The following IL34 variants were observed in gnomAD, a reference collection of about 807,000 sequenced individuals.
The protein encoded by IL34 is interleukin-34.
A neutral mutation model predicts 25.3 loss-of-function variants in IL34; 17 were observed. That is an observed-to-expected ratio of 0.67 (90% CI 0.46 to 1.01). IL34 has a LOEUF of 1.01. IL34 is among the 50% of genes least tolerant of loss of function. The pLI is 0.00. For synonymous variants in IL34, 174 were observed against 140.9 expected (o/e 1.23, Z -1.66); for missense variants, 368 against 312.9 (o/e 1.18, Z -1.33).
rs768176846 is a variant in IL34, at chr16:70,660,142, C to T, written c.684C>T (p.Gly228=). The T allele has an allele frequency of 1.2e-6, 2 of 1,609,566 alleles. No homozygotes were observed. Among genetic ancestry groups the T allele is most frequent in the Admixed American group, 1.7e-5 (1 of 59,182 alleles). ...WSPSSPPHST[G]SVRPVRAQGE... Reference sequence around the variant, plus strand: ...CCAGCTCCCCGCCTCACTCCACGGGCTCGGTGAGGCCGGTCAGGGCACAGG... The same window carrying T: ...CCAGCTCCCCGCCTCACTCCACGGGTTCGGTGAGGCCGGTCAGGGCACAGG... The change falls in exon 6 of 6, where the codon GGC becomes GGT. Residue 228 remains glycine (G), a synonymous_variant. Coordinates refer to ENST00000288098, the MANE Select transcript of IL34 (RefSeq NM_001393494.1).
chr16:70,622,150 G>A (rs1447763899), intron 1 of IL34, among the ~76,000 whole-genome samples: 2 of 152,018 alleles, frequency 1.3e-5, no homozygotes, highest in Non-Finnish European at 2.9e-5. Flanking sequence ...ATAGAGGGGG[G>A]AAGGCTAAAC....
intron 1 of IL34, among the ~76,000 whole-genome samples, chr16:70,635,578 C>T (rs1219765700): frequency 6.6e-6 from 1 of 152,166 alleles, no homozygotes; most frequent in African/African-American, 2.4e-5. Flanking sequence ...ACATCGGCAG[C>T]TTCCTTGAGC....
rs1010122367 is a variant in IL34 at position 70,660,550 on chromosome 16, C to T, written c.*363C>T. The T allele has an allele frequency of 1.4e-4, 28 of 207,404 alleles. No individual in the cohort carries two copies. Among genetic ancestry groups the T allele is most frequent in the Admixed American group, 2.9e-4 (5 of 17,460 alleles). The allele number at this position is 207,404 out of a possible 1,614,324, so 12.8% of individuals were successfully genotyped here. On this transcript the variant is annotated 3_prime_UTR_variant, in exon 6 of 6. Coordinates refer to ENST00000288098, the MANE Select transcript of IL34 (RefSeq NM_001393494.1). The stretch of plus-strand genomic sequence containing the variant: ...GTTGCAGGGGAGACAGCCAGCACGG[C>T]GTGGCCATTCTATGACCCCCCAGCC...
At chr16:70,649,292 T>C (rs2052020726) in intron 1 of IL34, among the ~76,000 whole-genome samples, 1 of 152,234 alleles carries the variant, frequency 6.6e-6, no homozygotes, top group African/African-American at 2.4e-5. Flanking sequence ...GTCATATTTA[T>C]ACCCACCTTT....
intron 1 of IL34, among the ~76,000 whole-genome samples, chr16:70,596,627 G>A (rs145697211): frequency 3.9e-5 from 6 of 152,230 alleles, no homozygotes; most frequent in East Asian, 3.9e-4. Flanking sequence ...CTCTGTACCC[G>A]TCCCCCACAC....
chr16:70,587,426 C>T (rs1053043369), intron 1 of IL34, among the ~76,000 whole-genome samples: 10 of 152,090 alleles, frequency 6.6e-5, no homozygotes, highest in South Asian at 6.2e-4. Flanking sequence ...CCCGCCACCA[C>T]GCCCAGCTAA....
chr16:70,612,166 A>G (rs1348320328), intron 1 of IL34, among the ~76,000 whole-genome samples: 1 of 152,190 alleles, frequency 6.6e-6, no homozygotes, highest in African/African-American at 2.4e-5. Context: ...GTAGTCTAGA[A>G]ATCGGGGTTC....
At chr16:70,616,770 GC>G (rs1200446330) in intron 1 of IL34, among the ~76,000 whole-genome samples, 22 of 152,154 alleles carry the variant, frequency 1.4e-4, no homozygotes, top group Non-Finnish European at 3.2e-4. Flanking sequence ...GTTAGGTGGG[GC>G]AGGAACAAAT....
chr16:70,583,938 C>T (rs1053170294), intron 1 of IL34, among the ~76,000 whole-genome samples: 4 of 152,136 alleles, frequency 2.6e-5, no homozygotes, highest in African/African-American at 9.7e-5. Flanking sequence ...GAGCGTGAAC[C>T]ACCGTGCCTG....
chr16:70,585,912 C>G (rs910770426), intron 1 of IL34, among the ~76,000 whole-genome samples: 4 of 150,404 alleles, frequency 2.7e-5, no homozygotes, highest in African/African-American at 9.8e-5. Flanking sequence ...CGGCTCACTG[C>G]AAGCTCCGCC....
At chr16:70,611,245 C>T (rs532150298) in intron 1 of IL34, among the ~76,000 whole-genome samples, 1 of 152,196 alleles carries the variant, frequency 6.6e-6, no homozygotes, top group African/African-American at 2.4e-5. Flanking sequence ...ATGTGAGAGG[C>T]TCTTGGAACT....
At chr16:70,645,968 G>A (rs2051916549), upstream of IL34, among the ~76,000 whole-genome samples, 1 of 152,162 alleles carries the variant, frequency 6.6e-6, no homozygotes, top group Non-Finnish European at 1.5e-5. Context: ...CAGGAGAATT[G>A]CTTGAACCCT....
rs978823318 is a variant in IL34, at chr16:70,656,259, G to A, written c.163-343G>A. ...CTACATCAAAATTCATCTGGAGGCCGGGCATGGTGGCTCATACCTATAACC... is the reference window on the plus strand; with the variant it reads ...CTACATCAAAATTCATCTGGAGGCCAGGCATGGTGGCTCATACCTATAACC... On this transcript the variant is annotated intron_variant, in intron 2 of 5. Transcript: ENST00000288098. Among the ~76,000 whole-genome samples the A allele has an allele frequency of 1.8e-4, 27 of 152,274 alleles. 1 individual carries two copies. Among genetic ancestry groups the A allele is most frequent in the South Asian group, 4.1e-4 (2 of 4,820 alleles).
Position 70,640,539 on chromosome 16 carries a change from T to C in IL34, c.-400-6009T>C, listed in dbSNP as rs926245737. ...CTTGGGACGCTGAGGCAGGAGAATC[T>C]CTTGAACCCGGGAGGTGGAGGTTGT... On this transcript the variant is annotated intron_variant, in intron 1 of 6. Transcript: ENST00000429149. Among the ~76,000 whole-genome samples the C allele has an allele frequency of 2.7e-5, 4 of 150,572 alleles. No individual in the cohort carries two copies. In the East Asian group the frequency reaches 7.9e-4, roughly 30 times the overall value.
intron 1 of IL34, among the ~76,000 whole-genome samples, chr16:70,653,520 G>A (rs578011077): frequency 1.3e-5 from 2 of 152,062 alleles, no homozygotes; most frequent in Admixed American, 1.3e-4. Flanking sequence ...CCAACATGGC[G>A]ATACCAGGTC....
chr16:70,640,521 C>T (rs1277181144), intron 1 of IL34, among the ~76,000 whole-genome samples: 2 of 150,888 alleles, frequency 1.3e-5, no homozygotes, highest in Admixed American at 6.6e-5. Flanking sequence ...CTACTTGGGA[C>T]GCTGAGGCAG....
chr16:70,632,201 C>A (rs950969449), intron 1 of IL34, among the ~76,000 whole-genome samples: 1 of 151,938 alleles, frequency 6.6e-6, no homozygotes, highest in South Asian at 2.1e-4. Context: ...ATGGTAAGCA[C>A]CAGTGAATAT....
Position 70,657,071 on chromosome 16 carries a change from T to A in IL34, c.352T>A (p.Tyr118Asn), listed in dbSNP as rs949962962. ...VLLEGHPSWK[Y>N]LQEVETLLLN... is the part of the protein sequence containing the mutation. ...GCTCGAGGGCCACCCATCCTGGAAG[T>A]ACCTGCAGGAGGTGGAGACGCTGCT... is the stretch of plus-strand genomic sequence containing the variant. Residue 118 changes from tyrosine (Y) to asparagine (N), a missense_variant, in exon 4 of 6, where the codon TAC becomes AAC. Coordinates refer to ENST00000288098, the MANE Select transcript of IL34 (RefSeq NM_001393494.1). The A allele has an allele frequency of 6.2e-7, 1 of 1,613,050 alleles. No homozygotes were observed. The highest frequency in any genetic ancestry group is 8.5e-7 in the Non-Finnish European group (1 of 1,179,956).
At chr16:70,613,641 C>A (rs1026953167) in intron 1 of IL34, among the ~76,000 whole-genome samples, 3 of 151,504 alleles carry the variant, frequency 2.0e-5, no homozygotes, top group Admixed American at 6.6e-5. Flanking sequence ...TGGGAGGCTG[C>A]GGTGGGTGGA....
Sources: allele counts gnomAD v4.1 joint callset (sites outside exome capture counted in the v4.1 genomes callset), GRCh38; gene constraint gnomAD v4.1.1; transcripts MANE v1.5; gene names NCBI Gene and HGNC (gene_info 2026-07-23, HGNC 2026-07-21).